Variants in CFAP47 observed in about 807,000 individuals in gnomAD.
CFAP47 encodes cilia and flagella associated protein 47.
A neutral mutation model predicts 148.1 loss-of-function variants in CFAP47; 29 were observed. The ratio of observed to expected loss-of-function variants is 0.20; its 90% confidence interval spans 0.15 to 0.27. CFAP47 has a LOEUF of 0.27. Among genes scored for constraint, CFAP47 ranks in the 10% least tolerant of loss-of-function variants. The probability of loss-of-function intolerance (pLI) is 1.00; values close to 1 mark genes in which losing one functional copy is unlikely to be tolerated. For synonymous variants in CFAP47, 664 were observed against 577.3 expected (o/e 1.15, Z -2.15); for missense variants, 1,872 against 1,697.5 (o/e 1.10, Z -1.81).
At chrX:35,942,124 G>C (rs1230543250) in intron 3 of CFAP47, among the ~76,000 whole-genome samples, 2 of 110,679 alleles carry the variant, frequency 1.8e-5, no homozygotes, top group East Asian at 5.7e-4. Context: ...TCCCTTCAGT[G>C]TCCTGATTCA....
At chrX:35,975,949 T>G in intron 15 of CFAP47, 36 bp downstream of exon 15, 3 of 1,174,781 alleles carry the variant, frequency 2.6e-6, no homozygotes, top group Non-Finnish European at 3.5e-6. Flanking sequence ...TAGACATTTA[T>G]TTTTTCATGT....
chrX:35,982,591 G>C (rs1326730097), intron 15 of CFAP47, among the ~76,000 whole-genome samples: 1 of 111,043 alleles, frequency 9.0e-6, no homozygotes, highest in African/African-American at 3.3e-5. Flanking sequence ...TTAGTTTTAG[G>C]CTTTACATTT....
At position 36,234,879 on chromosome X, in the gene CFAP47, A is replaced by C. The variant is rs782213480; in HGVS notation, c.7015-1055A>C. Among the ~76,000 whole-genome samples, 4 of 111,506 alleles carry C rather than the reference A, an allele frequency of 3.6e-5. 1 individual carries two copies. The South Asian group carries it at 1.5e-3, about 42-fold the overall frequency. ...GTCTGTTGGAGTTTGCTAGAGGTCC[A>C]CTCCAGACCCTGTTTGCCTGGGTAC... On this transcript the variant is annotated intron_variant, in intron 46 of 63. Transcript: ENST00000378653.
intron 28 of CFAP47, 94 bp downstream of exon 28, chrX:36,072,065 C>A: frequency 1.5e-6 from 1 of 672,936 alleles, no homozygotes; most frequent in Non-Finnish European, 2.1e-6. Flanking sequence ...TTACAAATAA[C>A]AAGAAATTCA....
chrX:36,123,055 G>A (rs953696546), intron 33 of CFAP47, among the ~76,000 whole-genome samples: 1 of 112,248 alleles, frequency 8.9e-6, no homozygotes, highest in Non-Finnish European at 1.9e-5. Context: ...CAGACTCATA[G>A]AGGTATTGCC....
chrX:36,064,907 T>C (rs35858944), intron 26 of CFAP47, among the ~76,000 whole-genome samples: 2 of 111,604 alleles, frequency 1.8e-5, no homozygotes, highest in African/African-American at 6.5e-5. Flanking sequence ...TAAAATAGAG[T>C]ATGCAGGTTA....
intron 56 of CFAP47, among the ~76,000 whole-genome samples, chrX:36,315,796 G>A (rs1037617820): frequency 9.0e-6 from 1 of 111,237 alleles, no homozygotes; most frequent in Non-Finnish European, 1.9e-5. Context: ...TAGCTGCCTT[G>A]AGCCTCATGT....
At chrX:36,247,953 A>G (rs1940638097) in intron 48 of CFAP47, among the ~76,000 whole-genome samples, 1 of 110,816 alleles carries the variant, frequency 9.0e-6, no homozygotes, top group African/African-American at 3.3e-5. Flanking sequence ...TAAAACATAT[A>G]CCATGAACAT....
At chrX:36,237,372 C>T (rs899350892) in intron 48 of CFAP47, among the ~76,000 whole-genome samples, 3 of 110,984 alleles carry the variant, frequency 2.7e-5, no homozygotes, top group Non-Finnish European at 3.8e-5. Flanking sequence ...GTCTGTTGCT[C>T]AGGTTGGAGG....
intron 49 of CFAP47, among the ~76,000 whole-genome samples, chrX:36,266,076 A>T (rs1262057028): frequency 1.8e-5 from 2 of 111,409 alleles, no homozygotes; most frequent in African/African-American, 6.5e-5. Flanking sequence ...CCAAGCTGGG[A>T]TGGAGGAGCT....
intron 49 of CFAP47, among the ~76,000 whole-genome samples, chrX:36,254,320 T>C (rs993216733): frequency 5.4e-5 from 6 of 111,052 alleles, no homozygotes; most frequent in Non-Finnish European, 1.1e-4. Flanking sequence ...TAGATGGATG[T>C]GTTTGGAGTG....
At chrX:36,101,659 A>G (rs1033288754) in intron 32 of CFAP47, among the ~76,000 whole-genome samples, 2 of 111,551 alleles carry the variant, frequency 1.8e-5, no homozygotes, top group Non-Finnish European at 3.8e-5. Context: ...AGAGACTCCA[A>G]ATAAGTGTTA....
chrX:36,286,854 A>G (rs1556004659), intron 51 of CFAP47, among the ~76,000 whole-genome samples: 1 of 111,700 alleles, frequency 9.0e-6, no homozygotes, highest in Non-Finnish European at 1.9e-5. Context: ...TGCAAAACAA[A>G]CAGAAGTAAA....
At position 35,987,877 on chromosome X, in the gene CFAP47, T is replaced by C. The variant is rs1418844212; in HGVS notation, c.2714-1442T>C. 3.6e-5 allele frequency among the ~76,000 whole-genome samples: 4 copies of C among 111,533 alleles called. No individual in the cohort carries two copies. The South Asian group carries it at 1.1e-3, about 32-fold the overall frequency. ...CTAGGGGAGGGAGTTTCCCGACCAC[T>C]TGTGCTTCCCAGGTGAGGTGACACC... On this transcript the variant is annotated intron_variant, in intron 15 of 63. Coordinates refer to ENST00000378653, the MANE Select transcript of CFAP47 (RefSeq NM_001304548.2).
chrX:36,235,705 C>T (rs192034520), intron 46 of CFAP47, among the ~76,000 whole-genome samples: 7,068 of 112,432 alleles, frequency 0.063, 213 homozygotes, highest in Middle Eastern at 0.13. Flanking sequence ...CACCCGTCTT[C>T]TGCATCGCTC....
chrX:35,982,868 G>A (rs1331426678), intron 15 of CFAP47, among the ~76,000 whole-genome samples: 1 of 111,482 alleles, frequency 9.0e-6, no homozygotes, highest in Non-Finnish European at 1.9e-5. Context: ...TATTCTTGTA[G>A]TATAGTTTGA....
chrX:36,145,956 T>A (rs1336930507), intron 36 of CFAP47, among the ~76,000 whole-genome samples: 2 of 111,114 alleles, frequency 1.8e-5, no homozygotes, highest in Non-Finnish European at 3.8e-5. Flanking sequence ...CTCCTCTTCT[T>A]TGTGTTTGGT....
At chrX:36,133,067 G>C (rs764923729) in intron 33 of CFAP47, among the ~76,000 whole-genome samples, 71 of 111,607 alleles carry the variant, frequency 6.4e-4, no homozygotes, top group African/African-American at 2.1e-3. Context: ...GATAGAGCTA[G>C]ACGCCATTAA....
chrX:36,185,131 G>A (rs1409732621), intron 40 of CFAP47, among the ~76,000 whole-genome samples: 3 of 110,739 alleles, frequency 2.7e-5, no homozygotes, highest in Non-Finnish European at 5.7e-5. Flanking sequence ...TGGGAGGCTG[G>A]TGAGTCCAAG....
Sources: gnomAD v4.1 joint callset for allele counts (sites outside exome capture counted in the v4.1 genomes callset) on GRCh38, gnomAD v4.1.1 for gene constraint, MANE v1.5 for transcripts, NCBI Gene and HGNC (gene_info 2026-07-23, HGNC 2026-07-21) for gene names.